Variants in NKAIN2 observed in about 807,000 individuals in gnomAD.
NKAIN2 encodes the protein sodium/potassium-transporting ATPase subunit beta-1-interacting protein 2.
NKAIN2 carries 14 observed loss-of-function variants against 32.6 expected under a neutral mutation model. The observed-to-expected ratio is 0.43, with a 90% CI of 0.28 to 0.67. NKAIN2 has a LOEUF of 0.67. Ranked by LOEUF, NKAIN2 falls within the 30% of genes least tolerant of loss-of-function variation. The pLI is 0.17. For missense variants in NKAIN2, 198 were observed against 258.3 expected (o/e 0.77, Z 1.60); for synonymous variants, 80 against 87.2 (o/e 0.92, Z 0.46).
At chr6:124,710,322 G>C (rs1323016810) in intron 4 of NKAIN2, among the ~76,000 whole-genome samples, 1 of 152,104 alleles carries the variant, frequency 6.6e-6, no homozygotes, top group Non-Finnish European at 1.5e-5. Context: ...TTGGGGTGGA[G>C]AGTTCTGTAG....
chr6:124,283,309 GA>G, intron 2 of NKAIN2, 167 bp downstream of exon 2: 1 of 536,480 alleles, frequency 1.9e-6, no homozygotes, highest in Non-Finnish European at 3.3e-6. Context: ...AACAGTAATT[GA>G]AAATGTCAGG....
chr6:124,563,357 A>G (rs1017425366), intron 3 of NKAIN2, among the ~76,000 whole-genome samples: 1 of 152,222 alleles, frequency 6.6e-6, no homozygotes, highest in Non-Finnish European at 1.5e-5. Context: ...CAATCGTAGC[A>G]CTAATCAAAT....
intron 3 of NKAIN2, among the ~76,000 whole-genome samples, chr6:124,503,801 G>A (rs538124731): frequency 2.0e-5 from 3 of 152,222 alleles, no homozygotes; most frequent in Non-Finnish European, 4.4e-5. Context: ...AAAGATTTCT[G>A]TGTGCTTTTT....
At chr6:124,611,434 A>G (rs1040356490) in intron 3 of NKAIN2, among the ~76,000 whole-genome samples, 2 of 152,186 alleles carry the variant, frequency 1.3e-5, no homozygotes, top group Non-Finnish European at 2.9e-5. Flanking sequence ...ATAGGTATAC[A>G]TGTGCCATGG....
intron 2 of NKAIN2, among the ~76,000 whole-genome samples, chr6:124,299,630 A>C (rs1796216839): frequency 6.6e-6 from 1 of 152,188 alleles, no homozygotes; most frequent in Non-Finnish European, 1.5e-5. Flanking sequence ...ATTAGTATGC[A>C]TATATGCAAA....
chr6:124,146,219 A>G (rs747689280), intron 1 of NKAIN2, among the ~76,000 whole-genome samples: 3 of 152,230 alleles, frequency 2.0e-5, no homozygotes, highest in Non-Finnish European at 4.4e-5. Flanking sequence ...CAAGATTTAC[A>G]TTAAACAAAT....
chr6:124,272,404 A>T (rs1021548839), intron 1 of NKAIN2, among the ~76,000 whole-genome samples: 1 of 152,196 alleles, frequency 6.6e-6, no homozygotes, highest in Non-Finnish European at 1.5e-5. Flanking sequence ...TTCAAAACCC[A>T]AGCTTTGGTG....
chr6:124,612,898 C>T (rs559171855), intron 3 of NKAIN2, among the ~76,000 whole-genome samples: 110 of 152,152 alleles, frequency 7.2e-4, no homozygotes, highest in African/African-American at 2.6e-3. Flanking sequence ...GAACATCTGA[C>T]ATTGGGGAAC....
At chr6:124,157,835 C>A (rs1788067417) in intron 1 of NKAIN2, among the ~76,000 whole-genome samples, 2 of 151,946 alleles carry the variant, frequency 1.3e-5, no homozygotes, top group Non-Finnish European at 2.9e-5. Flanking sequence ...CTATGATTTC[C>A]TTCTGGTAGT....
At chr6:124,664,511 C>A (rs117336766) in intron 4 of NKAIN2, among the ~76,000 whole-genome samples, 4,542 of 151,716 alleles carry the variant, frequency 0.03, 80 homozygotes, top group East Asian at 0.071. Flanking sequence ...TAGATATTTT[C>A]TGCAAAGAAG....
rs542448143 is a variant in NKAIN2, at chr6:124,759,588, AACAC to A, written c.475-31686_475-31683del. Among the ~76,000 whole-genome samples, 642 of 84,474 alleles carry A rather than the reference AACAC, an allele frequency of 7.6e-3. 11 individuals carry two copies. The highest frequency in any genetic ancestry group is 0.021 in the African/African-American group (392 of 18,904). The allele number at this position is 84,474 out of a possible 152,430, so 55.4% of individuals were successfully genotyped here. A position where few individuals can be genotyped will look rare whatever the true frequency, so the allele number is the denominator to read the frequency against. Reference sequence around the variant, plus strand: ...CCCTAGCCACCCTGTCTGAAATTGCAACACACACACACACACACACACACACACA... The same window carrying A: ...CCCTAGCCACCCTGTCTGAAATTGCAACACACACACACACACACACACACA... On this transcript the variant is annotated intron_variant, in intron 4 of 6. Transcript: ENST00000368417.
At chr6:124,676,885 A>G (rs1773384103) in intron 4 of NKAIN2, among the ~76,000 whole-genome samples, 2 of 152,150 alleles carry the variant, frequency 1.3e-5, no homozygotes, top group Admixed American at 6.5e-5. Flanking sequence ...AGCCCATGTG[A>G]ATACTTAAAC....
chr6:124,478,678 A>T (rs1469004961), intron 3 of NKAIN2, among the ~76,000 whole-genome samples: 2 of 152,228 alleles, frequency 1.3e-5, no homozygotes, highest in Non-Finnish European at 2.9e-5. Context: ...CTATTCTGAT[A>T]TAAGTAAATG....
At position 124,490,488 on chromosome 6, in the gene NKAIN2, TAAAATGTGA is replaced by T. The variant is rs370413136; in HGVS notation, c.273+135148_273+135156del. The T allele has an allele frequency of 3.3e-3, 1,161 of 356,044 alleles. 17 individuals carry two copies. Among genetic ancestry groups the T allele is most frequent in the African/African-American group, 0.023 (1,069 of 46,472 alleles). 22.1% of individuals were successfully genotyped at this position (356,044 alleles called of 1,614,324 possible). On this transcript the variant is annotated intron_variant, in intron 3 of 6. Transcript: ENST00000368417. ...GATATCACATTAATAGCTAATGGCT[TAAAATGTGA>T]AAAATGCATTTAAATACAAATACCC... is the stretch of plus-strand genomic sequence containing the variant.
chr6:123,881,275 G>C (rs1386563792), intron 1 of NKAIN2, among the ~76,000 whole-genome samples: 1 of 152,132 alleles, frequency 6.6e-6, no homozygotes, highest in Admixed American at 6.5e-5. Context: ...GCCCACCTCG[G>C]CCTCCCAAAG....
intron 4 of NKAIN2, among the ~76,000 whole-genome samples, chr6:124,779,985 T>C (rs1779184939): frequency 6.6e-6 from 1 of 152,248 alleles, no homozygotes; most frequent in East Asian, 1.9e-4. Flanking sequence ...CACATACTGA[T>C]AGAACGCCAG....
At chr6:124,159,188 G>T (rs1788144092) in intron 1 of NKAIN2, among the ~76,000 whole-genome samples, 1 of 152,082 alleles carries the variant, frequency 6.6e-6, no homozygotes, top group African/African-American at 2.4e-5. Flanking sequence ...CATTTTTCTA[G>T]AGATATGGGT....
chr6:124,725,666 G>C (rs1349813389), intron 4 of NKAIN2, among the ~76,000 whole-genome samples: 1 of 152,160 alleles, frequency 6.6e-6, no homozygotes, highest in Non-Finnish European at 1.5e-5. Context: ...ACTCCAGAAC[G>C]ATATTCCACA....
At chr6:124,405,287 T>C (rs1014718152) in intron 3 of NKAIN2, among the ~76,000 whole-genome samples, 2 of 152,182 alleles carry the variant, frequency 1.3e-5, no homozygotes, top group African/African-American at 4.8e-5. Context: ...AGATTCTTGA[T>C]AGAAAACAAG....
Sources: allele counts gnomAD v4.1 joint callset (sites outside exome capture counted in the v4.1 genomes callset), GRCh38; gene constraint gnomAD v4.1.1; transcripts MANE v1.5; gene names NCBI Gene and HGNC (gene_info 2026-07-23, HGNC 2026-07-21).